MRPL48: variants seen among roughly 807,000 people sequenced by gnomAD.
MRPL48 encodes the protein mitochondrial ribosomal protein L48.
MRPL48 carries 16 observed loss-of-function variants against 32.9 expected under a neutral mutation model. The observed-to-expected ratio is 0.49, with a 90% CI of 0.33 to 0.74. The LOEUF (loss-of-function observed/expected upper bound fraction) is 0.74, where lower values mean the gene tolerates loss of function less well. Ranked by LOEUF, MRPL48 falls within the 30% of genes least tolerant of loss-of-function variation. The pLI is 0.02. For missense variants in MRPL48, 206 were observed against 245.3 expected, an observed-to-expected ratio of 0.84 and a Z score of 1.07; for synonymous variants, 94 against 89.2, an observed-to-expected ratio of 1.05 and a Z score of -0.31.
chr11:73,842,377 T>G (rs547750999), intron 4 of MRPL48: 1 of 152,356 alleles, frequency 6.6e-6, no homozygotes, highest in South Asian at 2.1e-4. Flanking sequence ...TTTATATGTG[T>G]GGCAACATTT....
intron 4 of MRPL48, among the ~76,000 whole-genome samples, chr11:73,826,677 C>T (rs1318075627): frequency 5.9e-5 from 9 of 151,944 alleles, no homozygotes; most frequent in Admixed American, 1.3e-4. Flanking sequence ...TGGGGTTTTA[C>T]CATGTTGACC....
intron 1 of MRPL48, among the ~76,000 whole-genome samples, chr11:73,790,512 G>A (rs1352878184): frequency 6.7e-6 from 1 of 149,658 alleles, no homozygotes; most frequent in Non-Finnish European, 1.5e-5. Context: ...AGCCTCTGGA[G>A]TAGCTGGGGC....
rs551240162 is a variant in MRPL48, at chr11:73,791,032, C to T, written c.21+3040C>T. On this transcript the variant is annotated intron_variant, in intron 1 of 7. Transcript: ENST00000310614. ...TCCTGAGTTGCTGGGACTACAGGCA[C>T]CTGCCACCACGCCTGGCTAATTTTT... 2.4e-4 allele frequency among the ~76,000 whole-genome samples: 36 copies of T among 151,692 alleles called. No homozygotes were observed. In the South Asian group the frequency reaches 5.4e-3, roughly 23 times the overall value.
At chr11:73,837,513 C>A (rs1472520150) in intron 4 of MRPL48, among the ~76,000 whole-genome samples, 1 of 152,152 alleles carries the variant, frequency 6.6e-6, no homozygotes, top group African/African-American at 2.4e-5. Flanking sequence ...TAACCTTGGG[C>A]AAATAACTTA....
chr11:73,810,385 G>A (rs1277712665), intron 3 of MRPL48, among the ~76,000 whole-genome samples: 3 of 152,138 alleles, frequency 2.0e-5, no homozygotes, highest in Non-Finnish European at 4.4e-5. Flanking sequence ...GCCGGGCATG[G>A]TGGAGCATGC....
chr11:73,839,574 A>G (rs1267191035), intron 4 of MRPL48, among the ~76,000 whole-genome samples: 9 of 152,190 alleles, frequency 5.9e-5, no homozygotes, highest in Non-Finnish European at 1.2e-4. Flanking sequence ...CTGGATGATC[A>G]TGTGAAAACA....
intron 3 of MRPL48, among the ~76,000 whole-genome samples, chr11:73,816,332 A>AT (rs760108248): frequency 2.6e-4 from 33 of 127,812 alleles, no homozygotes; most frequent in Non-Finnish European, 5.2e-4. Flanking sequence ...AAGTGCTGGG[A>AT]TACAGGCGTG....
chr11:73,852,017 C>T (rs1159141939), intron 5 of MRPL48, among the ~76,000 whole-genome samples: 5 of 151,870 alleles, frequency 3.3e-5, no homozygotes, highest in African/African-American at 7.3e-5. Flanking sequence ...AGATAAACTG[C>T]AATTACAGCT....
intron 1 of MRPL48, among the ~76,000 whole-genome samples, chr11:73,790,298 T>C (rs1169833647): frequency 1.3e-5 from 2 of 149,824 alleles, no homozygotes; most frequent in Admixed American, 1.3e-4. Context: ...CTCTATCTCC[T>C]GACCTCGTGA....
chr11:73,851,527 T>C (rs1948389834), intron 5 of MRPL48, among the ~76,000 whole-genome samples: 2 of 152,186 alleles, frequency 1.3e-5, no homozygotes, highest in African/African-American at 4.8e-5. Flanking sequence ...GCTTTATCTC[T>C]TTCTGATGCC....
chr11:73,857,720 G>A (rs1325803325), intron 5 of MRPL48, among the ~76,000 whole-genome samples: 1 of 149,074 alleles, frequency 6.7e-6, no homozygotes, highest in African/African-American at 2.5e-5. Flanking sequence ...TCAGCCTCCT[G>A]CGTAGCTGGG....
chr11:73,838,793 A>T (rs182735224), intron 4 of MRPL48, among the ~76,000 whole-genome samples: 2 of 152,296 alleles, frequency 1.3e-5, no homozygotes, highest in Admixed American at 1.3e-4. Flanking sequence ...AGTAATGCAG[A>T]GGAAAAATTC....
intron 1 of MRPL48, among the ~76,000 whole-genome samples, chr11:73,790,285 G>T (rs1947125435): frequency 6.7e-6 from 1 of 149,688 alleles, no homozygotes; most frequent in African/African-American, 2.5e-5. Context: ...TAGCCAGGAT[G>T]GTCTCTATCT....
At chr11:73,806,922 T>A (rs1947464471) in intron 2 of MRPL48, among the ~76,000 whole-genome samples, 2 of 152,022 alleles carry the variant, frequency 1.3e-5, no homozygotes, top group South Asian at 4.1e-4. Context: ...CAGGCTGGAG[T>A]GCAGTGGCAC....
intron 7 of MRPL48, among the ~76,000 whole-genome samples, chr11:73,864,085 A>G (rs1443779821): frequency 2.0e-5 from 3 of 152,178 alleles, no homozygotes; most frequent in Non-Finnish European, 2.9e-5. Context: ...TAACCAGACT[A>G]TAAGTTCACT....
chr11:73,815,863 G>A (rs6592538), intron 3 of MRPL48, among the ~76,000 whole-genome samples: 150,937 of 151,192 alleles, frequency 1, 75,343 homozygotes, highest in Middle Eastern at 1. Flanking sequence ...AGCTGGGACT[G>A]AAGGCCTGTG....
chr11:73,850,871 T>A (rs1167432009), intron 5 of MRPL48: 1 of 240,520 alleles, frequency 4.2e-6, no homozygotes, highest in Non-Finnish European at 8.2e-6. Context: ...AGAGACGGGG[T>A]TTCACCATGT....
At chr11:73,835,791 G>T (rs957065702) in intron 4 of MRPL48, among the ~76,000 whole-genome samples, 1 of 151,934 alleles carries the variant, frequency 6.6e-6, no homozygotes. Flanking sequence ...ACAGCTACTC[G>T]GGAGGCTGAG....
intron 1 of MRPL48, among the ~76,000 whole-genome samples, chr11:73,793,445 A>G (rs1476086871): frequency 1.3e-5 from 2 of 152,226 alleles, no homozygotes; most frequent in African/African-American, 4.8e-5. Context: ...TGAAAGATTC[A>G]GGGTGCTATA....
Sources: gnomAD v4.1 joint callset for allele counts (sites outside exome capture counted in the v4.1 genomes callset) on GRCh38, gnomAD v4.1.1 for gene constraint, MANE v1.5 for transcripts, NCBI Gene and HGNC (gene_info 2026-07-23, HGNC 2026-07-21) for gene names.